ZC3H7B: variants seen among roughly 807,000 people sequenced by gnomAD.
ZC3H7B encodes zinc finger CCCH domain-containing protein 7B.
Under a neutral mutation model 116.0 loss-of-function variants are expected in ZC3H7B, and 35 were observed. That is an observed-to-expected ratio of 0.30 (90% confidence interval 0.23 to 0.40). The LOEUF is 0.40. Among genes scored for constraint, ZC3H7B ranks in the 10% least tolerant of loss-of-function variants. The pLI is 1.00. For missense variants in ZC3H7B, 1,011 were observed against 1,321.5 expected (o/e 0.77, Z 3.64); for synonymous variants, 502 against 545.6 (o/e 0.92, Z 1.11).
intron 7 of ZC3H7B, chr22:41,332,475 C>T: frequency 2.1e-6 from 1 of 487,486 alleles, no homozygotes; most frequent in South Asian, 3.1e-5. Flanking sequence ...ACAGTCTGGG[C>T]AGCCTGGTCC....
At chr22:41,318,244 G>A (rs1218503370) in intron 1 of ZC3H7B, among the ~76,000 whole-genome samples, 1 of 151,966 alleles carries the variant, frequency 6.6e-6, no homozygotes, top group Admixed American at 6.6e-5. Flanking sequence ...AGACCAGCCT[G>A]AGAGGCTGGG....
Position 41,346,285 on chromosome 22 carries a change from C to T in ZC3H7B, c.1665+77C>T. 1 of 1,512,824 alleles carries T rather than the reference C, an allele frequency of 6.6e-7. No individual in the cohort carries two copies. The allele number at this position is 1,512,824 out of a possible 1,614,324, so 93.7% of individuals were successfully genotyped here. A position where few individuals can be genotyped will look rare whatever the true frequency, so the allele number is the denominator to read the frequency against. ...TGGGGATGCTCCCTGGCACGGACCA[C>T]CATAGGAAGTCAGCCCTGGAACCCG... On this transcript the variant is annotated intron_variant, in intron 14 of 22. Transcript: ENST00000352645. This position sits in a 1 kb window ranked among gnomAD's most constrained non-coding sequence, Gnocchi z 5.3.
chr22:41,327,481 C>A lies in ZC3H7B; in HGVS notation c.444+117C>A. 2 of 1,345,270 alleles carry A rather than the reference C, an allele frequency of 1.5e-6. No homozygotes were observed. The highest frequency in any genetic ancestry group is 2.0e-6 in the Non-Finnish European group (2 of 987,806). The allele number at this position is 1,345,270 out of a possible 1,614,324, so 83.3% of individuals were successfully genotyped here. On this transcript the variant is annotated intron_variant, in intron 5 of 22. Transcript: ENST00000352645. This position sits in a 1 kb window ranked among gnomAD's most constrained non-coding sequence, Gnocchi z 4.5. ...CTGTGTCTCACTTCCTCCCCTGTGA[C>A]ATGGCCATGCAGATCCTGATGTTAA...
intron 7 of ZC3H7B, 101 bp downstream of exon 7, chr22:41,332,328 G>A: frequency 1.4e-6 from 2 of 1,393,910 alleles, no homozygotes; most frequent in Middle Eastern, 1.9e-4. Context: ...GGGTCCAGGG[G>A]CCTCCGCCTC....
At chr22:41,356,508 CGGTCGGGGCTGT>C (rs745755200) in intron 21 of ZC3H7B, 32 bp downstream of exon 21, 20 of 1,613,006 alleles carry the variant, frequency 1.2e-5, no homozygotes, top group Admixed American at 6.7e-5. Context: ...CTCGGGGCTG[CGGTCGGGGCTGT>C]GGTCTGAGCC....
Position 41,349,224 on chromosome 22 carries a change from G to A in ZC3H7B, c.1871G>A (p.Gly624Asp). The change falls in exon 16 of 23, where the codon GGC (glycine) becomes GAC (aspartate). Residue 624 changes from glycine (G) to aspartate (D), a missense_variant. By Grantham distance (94) the Gly-to-Asp change is moderately conservative (BLOSUM62 -1). This residue lies in a region of ZC3H7B where 406 missense variants were observed against 590.2 expected (regional missense o/e 0.69). Coordinates refer to ENST00000352645, the MANE Select transcript of ZC3H7B (RefSeq NM_017590.6). The surrounding 1 kb of genome is among the most constrained non-coding windows in gnomAD (Gnocchi z 4.9). ...FDVCRHEVRY[G>D]CLREDSCHFA... Reference sequence around the variant, plus strand: ...GTGTGCCGCCATGAGGTGCGCTACGGCTGCCTGCGGGAGGACAGCTGCCAC... The same window carrying A: ...GTGTGCCGCCATGAGGTGCGCTACGACTGCCTGCGGGAGGACAGCTGCCAC... 6.2e-7 allele frequency: 1 copy of A among 1,613,646 alleles called. No individual in the cohort carries two copies. The highest frequency in any genetic ancestry group is 2.2e-5 in the East Asian group (1 of 44,884).
chr22:41,317,025 C>T (rs1368089461), intron 1 of ZC3H7B, among the ~76,000 whole-genome samples: 1 of 151,786 alleles, frequency 6.6e-6, no homozygotes, highest in African/African-American at 2.4e-5. Context: ...TTTTTGTATT[C>T]TTAGTAGAGA....
chr22:41,353,386 G>A (rs1337042376), intron 17 of ZC3H7B, among the ~76,000 whole-genome samples: 4 of 152,200 alleles, frequency 2.6e-5, no homozygotes, highest in Non-Finnish European at 4.4e-5. Flanking sequence ...ACCCCCAGGC[G>A]GGGATCAGAA....
chr22:41,357,344 A>G lies in ZC3H7B; in HGVS notation c.2849A>G (p.Asn950Ser). 6.2e-7 allele frequency: 1 copy of G among 1,613,590 alleles called. No homozygotes were observed. The stretch of plus-strand genomic sequence containing the variant: ...CGGGACGACGACTTTGGCAAATACA[A>G]CTTCCTGCTGCAAGAGGACGGGGAC... ...CPRDDDFGKY[N>S]FLLQEDGDLA... is the part of the protein sequence containing the mutation. The change falls in exon 23 of 23, where the codon AAC (asparagine) becomes AGC (serine). Residue 950 changes from asparagine to serine, a missense_variant. Asn to Ser is a conservative substitution (Grantham distance 46). Coordinates refer to ENST00000352645, the MANE Select transcript of ZC3H7B (RefSeq NM_017590.6). This position sits in a 1 kb window ranked among gnomAD's most constrained non-coding sequence, Gnocchi z 5.4.
At chr22:41,310,603 C>T (rs1314023689) in intron 1 of ZC3H7B, among the ~76,000 whole-genome samples, 1 of 152,208 alleles carries the variant, frequency 6.6e-6, no homozygotes, top group East Asian at 1.9e-4. Flanking sequence ...TCAAGAGGAA[C>T]AGGGTATGCC....
In ZC3H7B at chr22:41,356,392, A is replaced by G; in HGVS notation, c.2433A>G (p.Pro811=). Residue 811 remains proline, a synonymous_variant, in exon 21 of 23, where the codon CCA becomes CCG. Transcript: ENST00000352645. ...ACATGTGGCTGAAAAAACACAACCC[A>G]GGAAAGCCTGGAGAAGGGACCCCCA... ...TYDMWLKKHN[P]GKPGEGTPIS... 6.2e-7 allele frequency: 1 copy of G among 1,614,112 alleles called. No homozygotes were observed. Among genetic ancestry groups the G allele is most frequent in the Non-Finnish European group, 8.5e-7 (1 of 1,180,012 alleles).
Position 41,327,851 on chromosome 22 carries a change from C to T in ZC3H7B, c.444+487C>T, listed in dbSNP as rs1199712579. ...ATTAAGACCCTTTCTTGGCCAGACA[C>T]AGTGGCTCATGCCTGTAATCCCAGC... On this transcript the variant is annotated intron_variant, in intron 5 of 22. Transcript: ENST00000352645. This position sits in a 1 kb window ranked among gnomAD's most constrained non-coding sequence, Gnocchi z 4.5. Among the ~76,000 whole-genome samples, 1 of 152,238 alleles carries T rather than the reference C, an allele frequency of 6.6e-6. No individual in the cohort carries two copies. The highest frequency in any genetic ancestry group is 1.5e-5 in the Non-Finnish European group (1 of 68,052).
intron 6 of ZC3H7B, among the ~76,000 whole-genome samples, chr22:41,331,448 T>C (rs1475253460): frequency 1.4e-5 from 2 of 145,924 alleles, no homozygotes; most frequent in Non-Finnish European, 3.0e-5. Context: ...CCAGCTACTC[T>C]GAAGGCTGAG....
chr22:41,338,880 G>T lies in ZC3H7B; in HGVS notation c.626-121G>T, dbSNP rs1336551836. 2 of 1,152,886 alleles carry T rather than the reference G, an allele frequency of 1.7e-6. No individual in the cohort carries two copies. The highest frequency in any genetic ancestry group is 1.6e-5 in the African/African-American group (1 of 64,076). 71.4% of individuals were successfully genotyped at this position (1,152,886 alleles called of 1,614,324 possible). ...GGGATCAGCCGATGGGGAAGGCAGG[G>T]CTCCTGGCAAGAGCTGAAAGAAGAA... On this transcript the variant is annotated intron_variant, in intron 8 of 22. Coordinates refer to ENST00000352645, the MANE Select transcript of ZC3H7B (RefSeq NM_017590.6). The surrounding 1 kb of genome is among the most constrained non-coding windows in gnomAD (Gnocchi z 4.5).
In ZC3H7B at chr22:41,351,631, G is replaced by A; in HGVS notation, c.2019G>A (p.Lys673=). The A allele has an allele frequency of 6.2e-7, 1 of 1,613,950 alleles. No individual in the cohort carries two copies. The highest frequency in any genetic ancestry group is 8.5e-7 in the Non-Finnish European group (1 of 1,179,952). The change falls in exon 17 of 23, where the codon AAG becomes AAA. Residue 673 remains lysine, a synonymous_variant. Coordinates refer to ENST00000352645, the MANE Select transcript of ZC3H7B (RefSeq NM_017590.6). This position sits in a 1 kb window ranked among gnomAD's most constrained non-coding sequence, Gnocchi z 5.1. ...AGCAGATGGAGGCGCATGCGGGGAA[G>A]GCCAGCAGCAGCATGGTAAGGCCTT... The part of the protein sequence containing the change: ...YWQQMEAHAG[K]ASSSMGAPRT...
chr22:41,341,122 C>T lies in ZC3H7B; in HGVS notation c.1173C>T (p.Ser391=), dbSNP rs199957730. Residue 391 remains serine (S), a synonymous_variant, in exon 11 of 23, where the codon AGC becomes AGT. Coordinates refer to ENST00000352645, the MANE Select transcript of ZC3H7B (RefSeq NM_017590.6). ...ACTCACAGGACCACCGTCCCCCTAG[C>T]GGTGCTCAGAAACCAGCCCCCTCGG... ...ETNSQDHRPP[S]GAQKPAPSPE... The T allele has an allele frequency of 5.3e-5, 86 of 1,613,990 alleles. No homozygotes were observed. Among genetic ancestry groups the T allele is most frequent in the Non-Finnish European group, 1.4e-5 (16 of 1,179,902 alleles).
Position 41,338,706 on chromosome 22 carries a change from G to A in ZC3H7B, c.626-295G>A, listed in dbSNP as rs2036476656. ...TTGCCTTTTAAGAGTGTCCCCTGGA[G>A]AGGGCATTGCTTACCCCAGAAGAAG... On this transcript the variant is annotated intron_variant, in intron 8 of 22. Transcript: ENST00000352645. This position sits in a 1 kb window ranked among gnomAD's most constrained non-coding sequence, Gnocchi z 4.5. Among the ~76,000 whole-genome samples, 1 of 152,134 alleles carries A rather than the reference G, an allele frequency of 6.6e-6. No homozygotes were observed. Among genetic ancestry groups the A allele is most frequent in the Non-Finnish European group, 1.5e-5 (1 of 68,010 alleles).
In ZC3H7B at chr22:41,357,524, G is replaced by A; in HGVS notation, c.*95G>A. On this transcript the variant is annotated 3_prime_UTR_variant, in exon 23 of 23. Coordinates refer to ENST00000352645, the MANE Select transcript of ZC3H7B (RefSeq NM_017590.6). This position sits in a 1 kb window ranked among gnomAD's most constrained non-coding sequence, Gnocchi z 5.4. Reference sequence around the variant, plus strand: ...GGGTCAGGGCAGGCCAGGGGGGTGGGGGGCCGCCCTCATCAGGCAGCCCCC... The same window carrying A: ...GGGTCAGGGCAGGCCAGGGGGGTGGAGGGCCGCCCTCATCAGGCAGCCCCC... 1.1e-6 allele frequency: 1 copy of A among 877,552 alleles called. No homozygotes were observed. The highest frequency in any genetic ancestry group is 1.7e-6 in the Non-Finnish European group (1 of 604,704). 54.4% of individuals were successfully genotyped at this position (877,552 alleles called of 1,614,324 possible). A position where few individuals can be genotyped will look rare whatever the true frequency, so the allele number is the denominator to read the frequency against.
chr22:41,346,036 A>T lies in ZC3H7B; in HGVS notation c.1493A>T (p.Asp498Val), dbSNP rs1315537092. The change falls in exon 14 of 23, where the codon GAT becomes GTT. Residue 498 changes from aspartate to valine, a missense_variant. Asp to Val is a radical substitution (Grantham distance 152, BLOSUM62 -3). This residue lies in a region of ZC3H7B where 179 missense variants were observed against 178.5 expected (regional missense o/e 1.00). Transcript: ENST00000352645. The surrounding 1 kb of genome is among the most constrained non-coding windows in gnomAD (Gnocchi z 5.3). The part of the protein sequence containing the change: ...MINKQDCKYG[D>V]NCTFAYHQEE... ...AACAAGCAGGACTGTAAGTACGGGG[A>T]TAACTGCACCTTCGCCTACCATCAG... 1 of 1,614,012 alleles carries T rather than the reference A, an allele frequency of 6.2e-7. No individual in the cohort carries two copies. Among genetic ancestry groups the T allele is most frequent in the Non-Finnish European group, 8.5e-7 (1 of 1,180,034 alleles).
Sources: allele counts gnomAD v4.1 joint callset (sites outside exome capture counted in the v4.1 genomes callset), GRCh38; gene constraint gnomAD v4.1.1; regional missense constraint gnomAD v4.1.1; non-coding constraint Gnocchi (gnomAD v3.1); transcripts MANE v1.5; gene names NCBI Gene and HGNC (gene_info 2026-07-23, HGNC 2026-07-21).